ZNF680: variants seen among roughly 807,000 people sequenced by gnomAD.
ZNF680 encodes the protein hypothetical protein FLJ90430.
Under a neutral mutation model 12.1 loss-of-function variants are expected in ZNF680, and 6 were observed. The observed-to-expected ratio is 0.49, with a 90% CI of 0.27 to 0.98. The LOEUF (loss-of-function observed/expected upper bound fraction) is 0.98. Among genes scored for constraint, ZNF680 ranks in the 50% least tolerant of loss-of-function variants. ZNF680 has a pLI of 0.12. For missense variants in ZNF680, 561 were observed against 616.3 expected (o/e 0.91, Z 0.95); for synonymous variants, 170 against 199.3 (o/e 0.85, Z 1.24).
chr7:64,536,524 C>T (rs746308830), intron 3 of ZNF680, among the ~76,000 whole-genome samples: 2 of 152,192 alleles, frequency 1.3e-5, no homozygotes, highest in African/African-American at 4.8e-5. Flanking sequence ...CTGATTACCA[C>T]GAGGATGGCG....
At chr7:64,560,333 C>T (rs1298612791) in intron 1 of ZNF680, among the ~76,000 whole-genome samples, 1 of 152,116 alleles carries the variant, frequency 6.6e-6, no homozygotes, top group Non-Finnish European at 1.5e-5. Context: ...AGGCTGGCCT[C>T]GAATTCCTGA....
chr7:64,557,265 T>A (rs573774324), intron 1 of ZNF680, among the ~76,000 whole-genome samples: 26 of 125,214 alleles, frequency 2.1e-4, no homozygotes, highest in Admixed American at 1.5e-3. Flanking sequence ...AAAAAAAAAA[T>A]TTACCATAAG....
the ZNF680 span, among the ~76,000 whole-genome samples, chr7:64,509,237 T>A: frequency 1.3e-5 from 2 of 152,164 alleles, no homozygotes; most frequent in Non-Finnish European, 2.9e-5. Flanking sequence ...GGAATAGAAT[T>A]TTTCTCCATG....
At chr7:64,535,525 G>T (rs557339586) in intron 3 of ZNF680, among the ~76,000 whole-genome samples, 1 of 151,962 alleles carries the variant, frequency 6.6e-6, no homozygotes. Flanking sequence ...TTCTCTATAC[G>T]AGACTCATTT....
At chr7:64,501,318 A>G in the ZNF680 span, 1 of 1,195,956 alleles carries the variant, frequency 8.4e-7, no homozygotes, top group Non-Finnish European at 1.2e-6. Flanking sequence ...AAAACACCTC[A>G]TGAAGGGGCA....
the ZNF680 span, chr7:64,501,765 T>G: frequency 8.6e-6 from 7 of 809,972 alleles, no homozygotes; most frequent in African/African-American, 1.2e-4. Flanking sequence ...ATCCCAATAT[T>G]TGTTTACCTA....
chr7:64,535,802 G>A (rs1786135219), intron 3 of ZNF680, among the ~76,000 whole-genome samples: 1 of 152,020 alleles, frequency 6.6e-6, no homozygotes, highest in South Asian at 2.1e-4. Context: ...AAAGTAGCCA[G>A]GCATCGTAGC....
intron 1 of ZNF680, 69 bp from the exon 2 acceptor site, chr7:64,544,501 A>G: frequency 1.3e-6 from 2 of 1,551,598 alleles, no homozygotes; most frequent in East Asian, 2.4e-5. Context: ...CCATGGGCAG[A>G]ATTTTTATTT....
At chr7:64,541,791 C>T (rs1165095314) in intron 3 of ZNF680, among the ~76,000 whole-genome samples, 1 of 152,184 alleles carries the variant, frequency 6.6e-6, no homozygotes, top group Non-Finnish European at 1.5e-5. Context: ...CTTCCAGAGG[C>T]CTGGAGGAAG....
the ZNF680 span, among the ~76,000 whole-genome samples, chr7:64,513,629 C>T: frequency 6.6e-6 from 1 of 150,392 alleles, no homozygotes; most frequent in South Asian, 2.1e-4. Context: ...TAAAATTTAG[C>T]TTTCTTTCTT....
chr7:64,508,148 A>ATATATATATATATATACACATAAT, the ZNF680 span, among the ~76,000 whole-genome samples: 5 of 95,386 alleles, frequency 5.2e-5, no homozygotes, highest in African/African-American at 2.7e-4. Context: ...TATATACATA[A>ATATATATATATATATACACATAAT]TTTTTTTTTT....
At chr7:64,509,187 G>A in the ZNF680 span, among the ~76,000 whole-genome samples, 11 of 152,170 alleles carry the variant, frequency 7.2e-5, no homozygotes, top group Non-Finnish European at 1.5e-4. Context: ...TGGAGTCAGA[G>A]TTTTTACCTA....
chr7:64,544,537 T>C lies in ZNF680; in HGVS notation c.31-105A>G, dbSNP rs1011794233. 70 of 1,482,464 alleles carry C rather than the reference T, an allele frequency of 4.7e-5. 2 individuals carry two copies. In the South Asian group the frequency reaches 8.4e-4, roughly 18 times the overall value. The allele number at this position is 1,482,464 out of a possible 1,614,324, so 91.8% of individuals were successfully genotyped here. A position where few individuals can be genotyped will look rare whatever the true frequency, so the allele number is the denominator to read the frequency against. ...TGGCTCAAGGCAAAGTAAGACAGTA[T>C]AGAAAACTGATTCTGACTTACAGGA... On this transcript the variant is annotated intron_variant, in intron 1 of 3. Transcript: ENST00000309683.
chr7:64,529,055 C>T (rs1785718334), intron 3 of ZNF680, among the ~76,000 whole-genome samples: 2 of 152,102 alleles, frequency 1.3e-5, no homozygotes, highest in Admixed American at 1.3e-4. Context: ...TGCTGGGTGG[C>T]TATACCTAGA....
chr7:64,528,118 TG>T (rs59660854), intron 3 of ZNF680, among the ~76,000 whole-genome samples: 34,293 of 151,738 alleles, frequency 0.23, 4,062 homozygotes, highest in South Asian at 0.29. Flanking sequence ...AAGTGAAATA[TG>T]GGGGGTGGAA....
At chr7:64,553,842 CTCCCGAGGTGCCG>C (rs1198802688) in intron 1 of ZNF680, among the ~76,000 whole-genome samples, 2 of 152,228 alleles carry the variant, frequency 1.3e-5, no homozygotes, top group Non-Finnish European at 2.9e-5. Flanking sequence ...CCGCCACGGC[CTCCCGAGGTGCCG>C]GGATTGCAGA....
chr7:64,543,750 C>G lies in ZNF680; in HGVS notation c.210G>C (p.Glu70Asp), dbSNP rs754523927. 3.1e-6 allele frequency: 5 copies of G among 1,613,746 alleles called. No individual in the cohort carries two copies. In the South Asian group the frequency reaches 5.5e-5, roughly 18 times the overall value. Reference sequence around the variant, plus strand: ...TCTCCTGTCTCTTCCTATTCCAGGGCTCTTTTCCTTGCTCCAAACAGGTTA... The same window carrying G: ...TCTCCTGTCTCTTCCTATTCCAGGGGTCTTTTCCTTGCTCCAAACAGGTTA... Reference protein sequence around the residue: ...HLITCLEQGKEPWNRKRQEMV... With the variant: ...HLITCLEQGKDPWNRKRQEMV... The change falls in exon 3 of 4, where the codon GAG becomes GAC. Residue 70 changes from glutamate to aspartate, a missense_variant. Transcript: ENST00000309683.
chr7:64,518,329 G>C (rs1255928671), downstream of ZNF680, among the ~76,000 whole-genome samples: 1 of 151,486 alleles, frequency 6.6e-6, no homozygotes, highest in East Asian at 1.9e-4. Context: ...TTTTACAATA[G>C]CTGGAAAAAA....
At chr7:64,499,563 C>G in the ZNF680 span, among the ~76,000 whole-genome samples, 1 of 152,174 alleles carries the variant, frequency 6.6e-6, no homozygotes, top group Admixed American at 6.5e-5. Flanking sequence ...CGAGACCAGC[C>G]TGGCCATCAT....
Sources: gnomAD v4.1 joint callset for allele counts (sites outside exome capture counted in the v4.1 genomes callset) on GRCh38, gnomAD v4.1.1 for gene constraint, MANE v1.5 for transcripts, NCBI Gene and HGNC (gene_info 2026-07-23, HGNC 2026-07-21) for gene names.